The following KLF17 variants were observed in gnomAD, a reference collection of about 807,000 sequenced individuals.
KLF17 encodes the protein KLF transcription factor 17.
KLF17 carries 31 observed loss-of-function variants against 34.2 expected under a neutral mutation model. The observed-to-expected ratio is 0.91, with a 90% CI of 0.68 to 1.22. The LOEUF is 1.22. Ranked by LOEUF, KLF17 falls within the 50% of genes most tolerant of loss-of-function variation. KLF17 has a pLI of 0.00. For missense variants in KLF17, 478 were observed against 505.2 expected, an observed-to-expected ratio of 0.95 and a Z score of 0.52; for synonymous variants, 179 against 186.7, an observed-to-expected ratio of 0.96 and a Z score of 0.34.
upstream of KLF17, chr1:44,116,040 AG>A (rs1439671100): frequency 4.6e-5 from 7 of 152,200 alleles, no homozygotes; most frequent in Non-Finnish European, 8.8e-5. Context: ...TTTTTAGAGG[AG>A]GGGGGTATAA....
intron 1 of KLF17, among the ~76,000 whole-genome samples, chr1:44,127,613 T>TC (rs747019788): frequency 5.8e-5 from 4 of 68,718 alleles, no homozygotes; most frequent in Non-Finnish European, 9.9e-5. Flanking sequence ...TTTCTTTCTT[T>TC]CTTTTCTTTT....
At chr1:44,090,246 A>C in the KLF17 span, among the ~76,000 whole-genome samples, 1 of 133,082 alleles carries the variant, frequency 7.5e-6, no homozygotes, top group South Asian at 2.6e-4. Flanking sequence ...AATCCCAGGC[A>C]GGAGGATCTC....
chr1:44,116,523 G>A (rs191772311), upstream of KLF17, among the ~76,000 whole-genome samples: 277 of 152,080 alleles, frequency 1.8e-3, 3 homozygotes, highest in African/African-American at 6.3e-3. Flanking sequence ...GCTCTCATTC[G>A]TAGCAAAACT....
chr1:44,131,321 T>A (rs1325206987), intron 3 of KLF17, among the ~76,000 whole-genome samples: 1 of 152,184 alleles, frequency 6.6e-6, no homozygotes, highest in Non-Finnish European at 1.5e-5. Flanking sequence ...CAGTAGAGAC[T>A]GGGAGCTTCA....
chr1:44,048,144 G>A, the KLF17 span: 1 of 152,156 alleles, frequency 6.6e-6, no homozygotes, highest in African/African-American at 2.4e-5. Context: ...AGTAGCTAAT[G>A]GCAATGGCCC....
At chr1:44,058,269 C>T in the KLF17 span, among the ~76,000 whole-genome samples, 2 of 152,120 alleles carry the variant, frequency 1.3e-5, no homozygotes, top group Admixed American at 6.5e-5. Flanking sequence ...GGGTTTCTCT[C>T]CTCACCATCG....
chr1:44,089,269 G>A, the KLF17 span, among the ~76,000 whole-genome samples: 1 of 152,216 alleles, frequency 6.6e-6, no homozygotes, highest in African/African-American at 2.4e-5. Flanking sequence ...GGAATCTGAG[G>A]TGCAAGAAGC....
the KLF17 span, among the ~76,000 whole-genome samples, chr1:44,079,471 T>C: frequency 6.6e-6 from 1 of 151,896 alleles, no homozygotes; most frequent in Non-Finnish European, 1.5e-5. Context: ...AGCTACATTT[T>C]TTGTTATTTT....
At chr1:44,072,623 G>A in the KLF17 span, among the ~76,000 whole-genome samples, 8 of 152,154 alleles carry the variant, frequency 5.3e-5, no homozygotes, top group Non-Finnish European at 1.0e-4. Context: ...ATGCCCGGGA[G>A]TTCCAGGCTG....
chr1:44,128,231 G>A (rs998297850), intron 1 of KLF17, among the ~76,000 whole-genome samples: 4 of 152,032 alleles, frequency 2.6e-5, no homozygotes, highest in African/African-American at 4.8e-5. Context: ...ACAGGCACAC[G>A]CCACCACACC....
chr1:44,078,380 G>A, the KLF17 span, among the ~76,000 whole-genome samples: 1 of 151,838 alleles, frequency 6.6e-6, no homozygotes, highest in African/African-American at 2.4e-5. Context: ...GAAATTGCTG[G>A]AGGGTCATTG....
At chr1:44,058,667 CTTTTTTTTTTTTTTTTTTTTTTTT>C in the KLF17 span, among the ~76,000 whole-genome samples, 34 of 65,222 alleles carry the variant, frequency 5.2e-4, no homozygotes, top group East Asian at 0.012. Flanking sequence ...ATGGGAGGCC[CTTTTTTTTTTTTTTTTTTTTTTTT>C]TTTTTTTTTT....
At chr1:44,045,737 A>G in the KLF17 span, among the ~76,000 whole-genome samples, 3 of 151,940 alleles carry the variant, frequency 2.0e-5, no homozygotes, top group African/African-American at 7.3e-5. Flanking sequence ...ATTTCACTCA[A>G]ATGCTTTCTC....
At chr1:44,117,973 A>G (rs186423883), upstream of KLF17, among the ~76,000 whole-genome samples, 522 of 152,344 alleles carry the variant, frequency 3.4e-3, no homozygotes, top group Non-Finnish European at 5.3e-3. Context: ...TATGGTCTTC[A>G]AGGCCCTATC....
At chr1:44,109,278 G>T in the KLF17 span, among the ~76,000 whole-genome samples, 625 of 152,264 alleles carry the variant, frequency 4.1e-3, 2 homozygotes, top group Non-Finnish European at 7.4e-3. Flanking sequence ...GGTTTATAGA[G>T]ACCAGTAAGA....
upstream of KLF17, chr1:44,115,466 A>AAC (rs1557727002): frequency 2.6e-5 from 4 of 151,196 alleles, no homozygotes; most frequent in African/African-American, 9.7e-5. Context: ...AAAAAAAAAA[A>AAC]AAAAAACCAA....
chr1:44,129,773 A>G lies in KLF17; in HGVS notation c.502A>G (p.Ile168Val), dbSNP rs771648624. Residue 168 changes from isoleucine (I) to valine (V), a missense_variant, in exon 2 of 4, where the codon ATA becomes GTA. Coordinates refer to ENST00000372299, the MANE Select transcript of KLF17 (RefSeq NM_173484.4). The part of the protein sequence containing the change: ...LPVSASTGIP[I>V]MSHTGNPPVP... Reference sequence around the variant, plus strand: ...AGTCTCGGCTTCCACTGGAATCCCAATAATGTCCCACACTGGGAACCCTCC... The same window carrying G: ...AGTCTCGGCTTCCACTGGAATCCCAGTAATGTCCCACACTGGGAACCCTCC... The G allele has an allele frequency of 6.2e-7, 1 of 1,614,114 alleles. No individual in the cohort carries two copies. The highest frequency in any genetic ancestry group is 8.5e-7 in the Non-Finnish European group (1 of 1,180,004).
the KLF17 span, among the ~76,000 whole-genome samples, chr1:44,065,874 A>G: frequency 8.3e-6 from 1 of 121,106 alleles, no homozygotes; most frequent in Non-Finnish European, 1.8e-5. Context: ...TATAGAAGTA[A>G]TTCAATAGAA....
the KLF17 span, among the ~76,000 whole-genome samples, chr1:44,068,743 TTC>T: frequency 4.6e-5 from 7 of 152,276 alleles, no homozygotes; most frequent in Admixed American, 3.9e-4. Flanking sequence ...GGGTTATGTT[TTC>T]TCCAGAGTGG....
Sources: allele counts gnomAD v4.1 joint callset (sites outside exome capture counted in the v4.1 genomes callset), GRCh38; gene constraint gnomAD v4.1.1; transcripts MANE v1.5; gene names NCBI Gene and HGNC (gene_info 2026-07-23, HGNC 2026-07-21).